Variants in RASGRP1 observed in about 807,000 individuals in gnomAD.
RASGRP1 encodes the protein RAS guanyl-releasing protein 1.
In RASGRP1, 37 loss-of-function variants were observed where a neutral mutation model predicts 95.1. The ratio of observed to expected loss-of-function variants is 0.39; its 90% CI spans 0.30 to 0.51. The LOEUF is 0.51. RASGRP1 is among the 20% of genes least tolerant of loss of function. The pLI, the probability that RASGRP1 is intolerant of heterozygous loss-of-function variation, is 0.80. For missense variants in RASGRP1, 711 were observed against 965.4 expected, an observed-to-expected ratio of 0.74 and a Z score of 3.49; for synonymous variants, 325 against 353.4, an observed-to-expected ratio of 0.92 and a Z score of 0.90.
intron 4 of RASGRP1, among the ~76,000 whole-genome samples, chr15:38,518,696 G>A (rs1391161459): frequency 6.6e-6 from 1 of 152,136 alleles, no homozygotes; most frequent in Non-Finnish European, 1.5e-5. Flanking sequence ...CAATCATGTG[G>A]GTTGGAGATA....
chr15:38,520,104 C>T (rs1212998980), intron 3 of RASGRP1, among the ~76,000 whole-genome samples: 1 of 152,180 alleles, frequency 6.6e-6, no homozygotes, highest in African/African-American at 2.4e-5. Flanking sequence ...AAATATTCAT[C>T]TATTTTAAGA....
At chr15:38,551,569 T>G (rs374044201) in intron 2 of RASGRP1, among the ~76,000 whole-genome samples, 2 of 152,328 alleles carry the variant, frequency 1.3e-5, no homozygotes. Context: ...GACAATGGAC[T>G]ATTAATTAAA....
At chr15:38,559,258 C>T (rs547742893) in intron 2 of RASGRP1, among the ~76,000 whole-genome samples, 10 of 152,288 alleles carry the variant, frequency 6.6e-5, no homozygotes, top group African/African-American at 1.9e-4. Context: ...CAGAGTGCAG[C>T]GTCTGAAATG....
intron 2 of RASGRP1, among the ~76,000 whole-genome samples, chr15:38,544,335 C>T (rs1277188402): frequency 7.2e-5 from 11 of 152,200 alleles, no homozygotes; most frequent in Non-Finnish European, 1.5e-5. Flanking sequence ...CTCTTGTATG[C>T]CACTCCACAA....
chr15:38,523,039 C>G (rs1440169757), intron 3 of RASGRP1, among the ~76,000 whole-genome samples: 1 of 151,968 alleles, frequency 6.6e-6, no homozygotes, highest in African/African-American at 2.4e-5. Flanking sequence ...GAGCAGAGAC[C>G]AGATAAGAGT....
At chr15:38,532,441 A>G (rs1257619526) in intron 2 of RASGRP1, among the ~76,000 whole-genome samples, 1 of 152,196 alleles carries the variant, frequency 6.6e-6, no homozygotes, top group East Asian at 1.9e-4. Context: ...CTTGCTCAAG[A>G]AAACAGAAAA....
intron 3 of RASGRP1, among the ~76,000 whole-genome samples, chr15:38,523,279 T>C (rs538275929): frequency 6.6e-6 from 1 of 152,358 alleles, no homozygotes; most frequent in East Asian, 1.9e-4. Flanking sequence ...GAAAAATTCC[T>C]ATTGCCTCAT....
chr15:38,537,538 A>G (rs528102670), intron 2 of RASGRP1, among the ~76,000 whole-genome samples: 16 of 152,284 alleles, frequency 1.1e-4, no homozygotes, highest in African/African-American at 3.9e-4. Flanking sequence ...TATAGACATG[A>G]GCCAGGCAAG....
chr15:38,550,192 G>A (rs1180905397), intron 2 of RASGRP1, among the ~76,000 whole-genome samples: 1 of 146,576 alleles, frequency 6.8e-6, no homozygotes, highest in East Asian at 2.0e-4. Context: ...GGAGGTTGCA[G>A]TGAGCCCAGA....
chr15:38,493,819 C>T (rs780715727), intron 16 of RASGRP1, among the ~76,000 whole-genome samples: 24 of 152,254 alleles, frequency 1.6e-4, no homozygotes, highest in Non-Finnish European at 2.8e-4. Flanking sequence ...CTATGGTGAG[C>T]CACAATACAC....
At position 38,488,466 on chromosome 15, in the gene RASGRP1, A is replaced by G. The variant is rs1890441620; in HGVS notation, c.*2088T>C. 2 of 150,456 alleles carry G rather than the reference A, an allele frequency of 1.3e-5. No homozygotes were observed. The highest frequency in any genetic ancestry group is 2.5e-5 in the African/African-American group (1 of 40,788). The allele number at this position is 150,456 out of a possible 1,614,324, so 9.3% of individuals were successfully genotyped here. A position where few individuals can be genotyped will look rare whatever the true frequency, so the allele number is the denominator to read the frequency against. On this transcript the variant is annotated 3_prime_UTR_variant, in exon 17 of 17. Coordinates refer to ENST00000310803, the MANE Select transcript of RASGRP1 (RefSeq NM_005739.4). ...CTCAACACAAATACTATTAACTTGT[A>G]TACTATACCTCTTTGGCCCTTGCTG...
At chr15:38,501,057 A>T (rs1890999375) in intron 13 of RASGRP1, 86 bp downstream of exon 13, 2 of 1,424,870 alleles carry the variant, frequency 1.4e-6, no homozygotes. Flanking sequence ...GGATGGGTTC[A>T]TAAGGATTGT....
intron 2 of RASGRP1, among the ~76,000 whole-genome samples, chr15:38,557,746 A>G (rs1893628477): frequency 6.6e-6 from 1 of 152,148 alleles, no homozygotes; most frequent in Admixed American, 6.5e-5. Flanking sequence ...AGTGTCAGAT[A>G]CAATTAAGGG....
At chr15:38,494,216 C>T (rs960822520) in intron 16 of RASGRP1, 166 bp downstream of exon 16, 1 of 900,902 alleles carries the variant, frequency 1.1e-6, no homozygotes. Context: ...TCCTTCCCTC[C>T]CTCTCTTCCT....
At chr15:38,516,468 T>C (rs1204695194) in intron 5 of RASGRP1, 118 bp from the exon 6 acceptor site, 2 of 1,269,292 alleles carry the variant, frequency 1.6e-6, no homozygotes, top group Non-Finnish European at 2.2e-6. Flanking sequence ...TAACTTTCCT[T>C]GTGAATGCCA....
chr15:38,492,885 CTTTTT>C (rs1273312659), intron 16 of RASGRP1, among the ~76,000 whole-genome samples: 1 of 142,906 alleles, frequency 7.0e-6, no homozygotes, highest in Non-Finnish European at 1.5e-5. Flanking sequence ...TCCCCACCCG[CTTTTT>C]TTTTTTTTGA....
At chr15:38,514,641 A>G (rs951074238) in intron 6 of RASGRP1, among the ~76,000 whole-genome samples, 11 of 152,208 alleles carry the variant, frequency 7.2e-5, no homozygotes, top group African/African-American at 2.4e-4. Context: ...ATAGTCTTCT[A>G]TGAAGGGACC....
intron 6 of RASGRP1, among the ~76,000 whole-genome samples, chr15:38,515,306 G>A (rs1891714985): frequency 6.6e-6 from 1 of 152,114 alleles, no homozygotes. Flanking sequence ...TTTAATAAAT[G>A]GACCCAGCAA....
intron 2 of RASGRP1, among the ~76,000 whole-genome samples, chr15:38,550,306 G>C (rs935460950): frequency 2.7e-5 from 4 of 149,128 alleles, no homozygotes; most frequent in African/African-American, 9.9e-5. Flanking sequence ...ATCTTTTCTT[G>C]TTTCTGAAAG....
Sources: allele counts gnomAD v4.1 joint callset (sites outside exome capture counted in the v4.1 genomes callset), GRCh38; gene constraint gnomAD v4.1.1; transcripts MANE v1.5; gene names NCBI Gene and HGNC (gene_info 2026-07-23, HGNC 2026-07-21).